Variants in LAMB3 observed in about 807,000 individuals in gnomAD.
The protein encoded by LAMB3 is laminin subunit beta-3.
Under a neutral mutation model 140.3 loss-of-function variants are expected in LAMB3, and 104 were observed. The ratio of observed to expected loss-of-function variants is 0.74; its 90% CI spans 0.63 to 0.87. LAMB3 has a LOEUF of 0.87. Ranked by LOEUF, LAMB3 falls within the 40% of genes least tolerant of loss-of-function variation. The pLI is 0.00. For missense variants in LAMB3, 1,531 were observed against 1,575.2 expected (o/e 0.97, Z 0.47); for synonymous variants, 592 against 602.9 (o/e 0.98, Z 0.26).
In LAMB3 at chr1:209,625,984, T is replaced by C; in HGVS notation, c.1640A>G (p.Asp547Gly). ...DFRGTEGPGCDKASGRCLCRP... is the reference protein window; with the variant it reads ...DFRGTEGPGCGKASGRCLCRP... ...GCAGAGGCAGCGGCCTGATGCCTTG[T>C]CGCAGCCCGGGCCCTCTGTTCCCCG... The change falls in exon 14 of 23, where the codon GAC becomes GGC. Residue 547 changes from aspartate (D) to glycine (G), a missense_variant. Asp to Gly is a moderately conservative substitution (Grantham distance 94). Transcript: ENST00000356082. 1 of 1,613,466 alleles carries C rather than the reference T, an allele frequency of 6.2e-7. No individual in the cohort carries two copies.
At chr1:209,637,827 G>A in intron 5 of LAMB3, 81 bp downstream of exon 5, 1 of 1,108,200 alleles carries the variant, frequency 9.0e-7, no homozygotes, top group Non-Finnish European at 1.3e-6. Flanking sequence ...GAGAGACAAG[G>A]ACACTGTGCT....
At chr1:209,631,158 G>T (rs571837033) in intron 8 of LAMB3, among the ~76,000 whole-genome samples, 23 of 152,336 alleles carry the variant, frequency 1.5e-4, no homozygotes, top group Middle Eastern at 3.4e-3. Context: ...TGGAACTGTT[G>T]TGATGAACTG....
chr1:209,627,035 G>T, intron 12 of LAMB3, 57 bp from the exon 13 acceptor site: 1 of 1,267,312 alleles, frequency 7.9e-7, no homozygotes, highest in Non-Finnish European at 1.1e-6. Context: ...CCTTACCCTG[G>T]TGTCAGGGAC....
chr1:209,641,600 C>T (rs1430483872), intron 3 of LAMB3, among the ~76,000 whole-genome samples: 2 of 152,180 alleles, frequency 1.3e-5, no homozygotes, highest in Non-Finnish European at 2.9e-5. Flanking sequence ...ACACAGCGAG[C>T]CCCAAGGCCC....
At chr1:209,627,284 G>C (rs1571812986) in intron 12 of LAMB3, 99 bp downstream of exon 12, 2 of 982,054 alleles carry the variant, frequency 2.0e-6, no homozygotes, top group East Asian at 5.1e-5. Flanking sequence ...GTCTGACAGG[G>C]GAGAGGCCTA....
At chr1:209,638,827 G>T (rs990164338) in intron 3 of LAMB3, among the ~76,000 whole-genome samples, 179 bp from the exon 4 acceptor site, 1 of 152,110 alleles carries the variant, frequency 6.6e-6, no homozygotes, top group African/African-American at 2.4e-5. Context: ...CCTTTTAATT[G>T]GTCATCTTTT....
rs1166875394 is a variant in LAMB3, at chr1:209,626,973, T to C, written c.1491A>G (p.Thr497=). Residue 497 remains threonine, a synonymous_variant, in exon 13 of 23, where the codon ACA becomes ACG. Coordinates refer to ENST00000356082, the MANE Select transcript of LAMB3 (RefSeq NM_000228.3). ...NSLSPQCNQF[T]GQCPCREGFG... is the part of the protein sequence containing the mutation. ...AGCCTTCCCGACAGGGGCACTGCCC[T>C]GTGAACTGCGTGGGGAGAGCACCGT... The C allele has an allele frequency of 6.2e-7, 1 of 1,610,826 alleles. No homozygotes were observed. The highest frequency in any genetic ancestry group is 8.5e-7 in the Non-Finnish European group (1 of 1,177,874).
chr1:209,634,568 T>A lies in LAMB3; in HGVS notation c.443A>T (p.Tyr148Phe). 1 of 1,614,064 alleles carries A rather than the reference T, an allele frequency of 6.2e-7. No individual in the cohort carries two copies. Among genetic ancestry groups the A allele is most frequent in the South Asian group, 1.1e-5 (1 of 91,086 alleles). The change falls in exon 6 of 23, where the codon TAC becomes TTC. Residue 148 changes from tyrosine (Y) to phenylalanine (F), a missense_variant. Coordinates refer to ENST00000356082, the MANE Select transcript of LAMB3 (RefSeq NM_000228.3). ...DFGKTWRVYQYLAADCTSTFP... is the reference protein window; with the variant it reads ...DFGKTWRVYQFLAADCTSTFP... ...GGTGGAGGTGCAGTCGGCAGCCAGG[T>A]ACTGGTACACTCGCCAGGTCTTACC...
Position 209,628,186 on chromosome 1 carries a change from G to T in LAMB3, c.1137C>A (p.Cys379Ter). 6.4e-7 allele frequency: 1 copy of T among 1,557,248 alleles called. No homozygotes were observed. The highest frequency in any genetic ancestry group is 8.7e-7 in the Non-Finnish European group (1 of 1,149,996). The change falls in exon 11 of 23, where the codon TGC (cysteine) becomes TGA (stop). Residue 379 changes from cysteine (C) to a stop codon, truncating the protein, a stop_gained. Coordinates refer to ENST00000356082, the MANE Select transcript of LAMB3 (RefSeq NM_000228.3). LOFTEE classifies it high-confidence loss of function. ...GCACTGCCCCATCCGGATCACACTCGCAGGCTGAGAGACAACAGCAGCCAC... is the reference window on the plus strand; with the variant it reads ...GCACTGCCCCATCCGGATCACACTCTCAGGCTGAGAGACAACAGCAGCCAC... Reference protein sequence around the residue: ...GASIQETCISCECDPDGAVPG... With the variant: ...GASIQETCIS
intron 19 of LAMB3, 105 bp downstream of exon 19, chr1:209,618,347 C>G (rs1176939292): frequency 1.4e-5 from 16 of 1,152,492 alleles, no homozygotes; most frequent in Admixed American, 2.0e-5. Flanking sequence ...GTAAGCACCC[C>G]CTCCTGTCTC....
At chr1:209,630,540 G>T in intron 9 of LAMB3, 75 bp downstream of exon 9, 1 of 1,526,802 alleles carries the variant, frequency 6.5e-7, no homozygotes, top group Non-Finnish European at 9.1e-7. Flanking sequence ...TGCATCCCAG[G>T]TGAGATCATC....
Position 209,628,075 on chromosome 1 carries a change from G to T in LAMB3, c.1248C>A (p.Gly416=). 2 of 1,606,944 alleles carry T rather than the reference G, an allele frequency of 1.2e-6. No individual in the cohort carries two copies. The highest frequency in any genetic ancestry group is 1.7e-6 in the Non-Finnish European group (2 of 1,176,600). The change falls in exon 11 of 23, where the codon GGC becomes GGA. Residue 416 remains glycine, a synonymous_variant. Transcript: ENST00000356082. ...GGTTGGCGTAGGTGAGTCCAGTGAA[G>T]CCCGGCTTGCATAGGTCACAGCGCT... is the stretch of plus-strand genomic sequence containing the variant. ...QGERCDLCKP[G]FTGLTYANPQ... is the part of the protein sequence containing the mutation.
chr1:209,627,430 G>A lies in LAMB3; in HGVS notation c.1438C>T (p.Pro480Ser). ...GAGTTGTGCGGGTCGCAGGCACACGGTTCACAGCCCTGGCCACTGGCCAGC... is the reference window on the plus strand; with the variant it reads ...GAGTTGTGCGGGTCGCAGGCACACGATTCACAGCCCTGGCCACTGGCCAGC... ...WKLASGQGCEPCACDPHNSLS... is the reference protein window; with the variant it reads ...WKLASGQGCESCACDPHNSLS... The change falls in exon 12 of 23, where the codon CCG becomes TCG. Residue 480 changes from proline to serine, a missense_variant. Coordinates refer to ENST00000356082, the MANE Select transcript of LAMB3 (RefSeq NM_000228.3). 6.2e-7 allele frequency: 1 copy of A among 1,613,888 alleles called. No individual in the cohort carries two copies. Among genetic ancestry groups the A allele is most frequent in the Non-Finnish European group, 8.5e-7 (1 of 1,180,004 alleles).
chr1:209,628,036 G>T lies in LAMB3; in HGVS notation c.1287C>A (p.His429Gln). The change falls in exon 11 of 23, where the codon CAC becomes CAA. Residue 429 changes from histidine to glutamine, a missense_variant and splice_region_variant. His to Gln is a conservative substitution (Grantham distance 24, BLOSUM62 0). Transcript: ENST00000356082. ...GLTYANPQGC[H>Q]RCDCNILGSR... ...TGCTGGGCCAAGCCCCCTACTCACGGTGGCAGCCCTGCGGGTTGGCGTAGG... is the reference window on the plus strand; with the variant it reads ...TGCTGGGCCAAGCCCCCTACTCACGTTGGCAGCCCTGCGGGTTGGCGTAGG... 6 of 1,602,830 alleles carry T rather than the reference G, an allele frequency of 3.7e-6. No individual in the cohort carries two copies. Among genetic ancestry groups the T allele is most frequent in the Non-Finnish European group, 5.1e-6 (6 of 1,174,358 alleles).
intron 14 of LAMB3, among the ~76,000 whole-genome samples, chr1:209,625,090 TCTCAGGCTG>T (rs1666381461): frequency 6.6e-6 from 1 of 152,170 alleles, no homozygotes; most frequent in Admixed American, 6.5e-5. Context: ...TTTTCATTCT[TCTCAGGCTG>T]CCTTTTCCTT....
intron 10 of LAMB3, 32 bp downstream of exon 10, chr1:209,629,705 T>C (rs1013775780): frequency 7.5e-6 from 12 of 1,604,830 alleles, no homozygotes; most frequent in Non-Finnish European, 1.0e-5. Flanking sequence ...AACAGACAAA[T>C]GACACTCTGG....
At chr1:209,631,075 T>G in intron 8 of LAMB3, among the ~76,000 whole-genome samples, 1 of 152,208 alleles carries the variant, frequency 6.6e-6, no homozygotes, top group East Asian at 1.9e-4. Flanking sequence ...TGGCAAACTG[T>G]GGGATCCAGA....
chr1:209,624,576 CT>C (rs1439867609), intron 14 of LAMB3, among the ~76,000 whole-genome samples: 2 of 152,208 alleles, frequency 1.3e-5, no homozygotes, highest in African/African-American at 4.8e-5. Flanking sequence ...CACCTCCAGG[CT>C]TTGATCAGGC....
chr1:209,619,708 C>T (rs964498378), intron 18 of LAMB3, among the ~76,000 whole-genome samples: 1 of 152,188 alleles, frequency 6.6e-6, no homozygotes, highest in African/African-American at 2.4e-5. Flanking sequence ...GAGGGGGGCA[C>T]CCACTCACCA....
Sources: gnomAD v4.1 joint callset for allele counts (sites outside exome capture counted in the v4.1 genomes callset) on GRCh38, gnomAD v4.1.1 for gene constraint, MANE v1.5 for transcripts, NCBI Gene and HGNC (gene_info 2026-07-23, HGNC 2026-07-21) for gene names.